ACOXL: variants seen among roughly 807,000 people sequenced by gnomAD.
ACOXL encodes acyl-CoA oxidase like, also known as acyl-coenzyme A oxidase-like protein.
In ACOXL, 70 loss-of-function variants were observed where a neutral mutation model predicts 71.9. The observed-to-expected ratio is 0.97, with a 90% CI of 0.80 to 1.19. The LOEUF (loss-of-function observed/expected upper bound fraction) is 1.19. Among genes scored for constraint, ACOXL ranks in the 50% most tolerant of loss-of-function variants. The pLI, the probability that ACOXL is intolerant of heterozygous loss-of-function variation, is 0.00. For missense variants in ACOXL, 703 were observed against 736.3 expected (o/e 0.95, Z 0.52); for synonymous variants, 253 against 281.6 (o/e 0.90, Z 1.02).
chr2:110,976,918 C>T (rs2062469128), intron 12 of ACOXL, among the ~76,000 whole-genome samples: 1 of 152,164 alleles, frequency 6.6e-6, no homozygotes, highest in African/African-American at 2.4e-5. Context: ...ATGTATTTGA[C>T]CTTCACACTG....
At chr2:111,049,715 G>T (rs766822270) in intron 16 of ACOXL, among the ~76,000 whole-genome samples, 19 of 152,130 alleles carry the variant, frequency 1.2e-4, no homozygotes, top group Non-Finnish European at 2.5e-4. Flanking sequence ...ACACAAATTA[G>T]ACTGTTCATA....
At chr2:111,074,601 G>T (rs1425152338) in intron 16 of ACOXL, among the ~76,000 whole-genome samples, 4 of 151,410 alleles carry the variant, frequency 2.6e-5, no homozygotes, top group Admixed American at 2.6e-4. Context: ...AATGTCTTTT[G>T]ATTTTTTTTT....
At chr2:110,873,884 G>T (rs1361879544) in intron 10 of ACOXL, among the ~76,000 whole-genome samples, 1 of 152,246 alleles carries the variant, frequency 6.6e-6, no homozygotes, top group Non-Finnish European at 1.5e-5. Flanking sequence ...GGAAGGTCAT[G>T]CAGCCCTTCC....
At chr2:111,092,592 T>C (rs1408114954) in intron 16 of ACOXL, among the ~76,000 whole-genome samples, 1 of 152,152 alleles carries the variant, frequency 6.6e-6, no homozygotes, top group Non-Finnish European at 1.5e-5. Flanking sequence ...TGGTTGTGAG[T>C]TAAAATTTCT....
chr2:110,834,665 C>G (rs1690237470), intron 9 of ACOXL, among the ~76,000 whole-genome samples: 1 of 152,118 alleles, frequency 6.6e-6, no homozygotes, highest in South Asian at 2.1e-4. Context: ...ATAACCATTG[C>G]CAGGTTCTTG....
intron 14 of ACOXL, among the ~76,000 whole-genome samples, chr2:111,027,184 C>T (rs1310036430): frequency 6.6e-6 from 1 of 152,092 alleles, no homozygotes; most frequent in Non-Finnish European, 1.5e-5. Flanking sequence ...GCGTGAGCCA[C>T]CACGCCTGGG....
At chr2:110,865,731 A>G (rs1378240756) in intron 10 of ACOXL, among the ~76,000 whole-genome samples, 1 of 152,186 alleles carries the variant, frequency 6.6e-6, no homozygotes, top group Non-Finnish European at 1.5e-5. Context: ...GACGATTTAC[A>G]TGCATTTATG....
chr2:110,815,674 C>A (rs1687829445), intron 9 of ACOXL, among the ~76,000 whole-genome samples: 2 of 152,168 alleles, frequency 1.3e-5, no homozygotes, highest in Admixed American at 6.5e-5. Context: ...GTAGGGACTT[C>A]CCTCTGGATC....
intron 16 of ACOXL, among the ~76,000 whole-genome samples, chr2:111,090,894 C>T (rs138534545): frequency 6.0e-5 from 9 of 150,206 alleles, no homozygotes; most frequent in Non-Finnish European, 1.2e-4. Flanking sequence ...CCTACATTGC[C>T]TGCATCCATG....
intron 14 of ACOXL, among the ~76,000 whole-genome samples, chr2:111,002,412 A>G (rs938362957): frequency 2.0e-5 from 3 of 152,220 alleles, no homozygotes; most frequent in African/African-American, 7.2e-5. Flanking sequence ...AGGAATTGCA[A>G]TATTTTTCAA....
At chr2:110,901,312 G>A (rs1041619487) in intron 10 of ACOXL, among the ~76,000 whole-genome samples, 6 of 152,158 alleles carry the variant, frequency 3.9e-5, no homozygotes, top group African/African-American at 1.4e-4. Flanking sequence ...AGGTTTGGGG[G>A]TGCTCTCACT....
chr2:110,755,136 A>G (rs1679497219), intron 1 of ACOXL, among the ~76,000 whole-genome samples: 1 of 152,176 alleles, frequency 6.6e-6, no homozygotes, highest in Non-Finnish European at 1.5e-5. Context: ...GGGAAGTCAG[A>G]TGATGGTGGA....
chr2:110,797,857 G>A (rs1219050619), intron 5 of ACOXL, among the ~76,000 whole-genome samples: 1 of 152,186 alleles, frequency 6.6e-6, no homozygotes, highest in Admixed American at 6.5e-5. Flanking sequence ...AGGTTTTGGT[G>A]TTGGATGAGT....
intron 9 of ACOXL, among the ~76,000 whole-genome samples, chr2:110,830,252 G>A (rs1278280009): frequency 1.3e-5 from 2 of 152,058 alleles, no homozygotes; most frequent in African/African-American, 4.8e-5. Flanking sequence ...CTTCTCCTGT[G>A]CAACAATTTG....
At chr2:110,886,907 A>G in intron 10 of ACOXL, 2 of 1,528,846 alleles carry the variant, frequency 1.3e-6, no homozygotes, top group Non-Finnish European at 8.8e-7. Flanking sequence ...TCGTGAAATC[A>G]GCCACTTAAC....
chr2:110,935,476 C>A (rs908688180), intron 12 of ACOXL, among the ~76,000 whole-genome samples: 1 of 152,194 alleles, frequency 6.6e-6, no homozygotes. Context: ...CCACCCGGAA[C>A]AACCGCCCTC....
rs560238487 is a variant in ACOXL, at chr2:110,963,554, G to A, written c.1060-23554G>A. 1,156 of 1,531,148 alleles carry A rather than the reference G, an allele frequency of 7.5e-4. 3 individuals are homozygous for A. Among genetic ancestry groups the A allele is most frequent in the Non-Finnish European group, 9.5e-4 (1,079 of 1,132,124 alleles). 94.8% of individuals were successfully genotyped at this position (1,531,148 alleles called of 1,614,324 possible). The stretch of plus-strand genomic sequence containing the variant: ...GTGAGTCCTATGTAGTGATGGGATC[G>A]CAAATTTGAAATGTGTGTGTGTGTG... On this transcript the variant is annotated intron_variant, in intron 12 of 17. Coordinates refer to ENST00000439055, the MANE Select transcript of ACOXL (RefSeq NM_001142807.4).
intron 14 of ACOXL, among the ~76,000 whole-genome samples, chr2:111,009,550 T>C (rs1478847047): frequency 6.7e-6 from 1 of 149,812 alleles, no homozygotes; most frequent in East Asian, 1.9e-4. Flanking sequence ...AAAATGGAGC[T>C]TGAGACTGCC....
chr2:110,961,941 C>A (rs1262896535), intron 12 of ACOXL, among the ~76,000 whole-genome samples: 1 of 152,194 alleles, frequency 6.6e-6, no homozygotes, highest in Non-Finnish European at 1.5e-5. Context: ...ACCACTGGGT[C>A]CCTCCCATGA....
Sources: gnomAD v4.1 joint callset for allele counts (sites outside exome capture counted in the v4.1 genomes callset) on GRCh38, gnomAD v4.1.1 for gene constraint, MANE v1.5 for transcripts, NCBI Gene and HGNC (gene_info 2026-07-23, HGNC 2026-07-21) for gene names.